Variants in HP observed in about 807,000 individuals in gnomAD.
HP encodes haptoglobin alpha(1S)-beta.
HP carries 9 observed loss-of-function variants against 23.2 expected under a neutral mutation model. The observed-to-expected ratio is 0.39, with a 90% CI of 0.23 to 0.68. The LOEUF is 0.68. HP is among the 30% of genes least tolerant of loss of function. HP has a pLI of 0.47. For missense variants in HP, 433 were observed against 483.6 expected, an observed-to-expected ratio of 0.90 and a Z score of 0.98; for synonymous variants, 155 against 183.3, an observed-to-expected ratio of 0.85 and a Z score of 1.25.
At position 72,056,294 on chromosome 16, in the gene HP, T is replaced by A. The variant is rs2041461774; in HGVS notation, c.88+51T>A. The A allele has an allele frequency of 8.9e-6, 14 of 1,581,784 alleles. 1 individual carries two copies. The South Asian group carries it at 1.3e-4, about 15-fold the overall frequency. On this transcript the variant is annotated intron_variant, in intron 2 of 6. Transcript: ENST00000355906. ...TGCATCCCACTCTGACCCTCTCGGG[T>A]CTGCACTCTCTCTGAGAACACCCAA...
At chr16:72,056,291 G>A (rs376654371) in intron 2 of HP, 48 bp downstream of exon 2, 312 of 1,583,582 alleles carry the variant, frequency 2.0e-4, no homozygotes, top group Non-Finnish European at 2.6e-4. Context: ...TGACCCTCTC[G>A]GGTCTGCACT....
At chr16:72,054,802 T>A in intron 1 of HP, 145 bp downstream of exon 1, 1 of 1,181,400 alleles carries the variant, frequency 8.5e-7, no homozygotes, top group Non-Finnish European at 1.2e-6. Flanking sequence ...GTGTGTTAAA[T>A]CTTCTCCTTT....
intron 4 of HP, 130 bp from the exon 5 acceptor site, chr16:72,058,124 A>T: frequency 8.9e-7 from 1 of 1,119,312 alleles, no homozygotes; most frequent in Non-Finnish European, 1.3e-6. Context: ...TAAAAATAAT[A>T]CAGTTCGCGA....
rs1368591243 is a variant in HP at position 72,057,166 on chromosome 16, C to T, written c.191-226C>T. ...CCTCCCTGTACTGCTTGGCTGTGAC[C>T]GCCATGACCACAGTGTGTTCTGCTG... On this transcript the variant is annotated intron_variant, in intron 3 of 6. Transcript: ENST00000355906. The T allele has an allele frequency of 2.5e-5, 15 of 604,902 alleles. 2 individuals are homozygous for T. Among genetic ancestry groups the T allele is most frequent in the South Asian group, 7.4e-5 (4 of 54,056 alleles). The allele number at this position is 604,902 out of a possible 1,614,324, so 37.5% of individuals were successfully genotyped here.
rs895722295 is a variant in HP, at chr16:72,060,161, T to C, written c.492T>C (p.Gly164=). 4 of 1,613,518 alleles carry C rather than the reference T, an allele frequency of 2.5e-6. No individual in the cohort carries two copies. The highest frequency in any genetic ancestry group is 1.6e-4 in the Middle Eastern group (1 of 6,084). ...CAAACCCAGTGCAGCGGATCCTGGG[T>C]GGACACCTGGATGCCAAAGGCAGCT... ...NPANPVQRIL[G]GHLDAKGSFP... The change falls in exon 7 of 7, where the codon GGT becomes GGC. Residue 164 remains glycine (G), a synonymous_variant. Coordinates refer to ENST00000355906, the MANE Select transcript of HP (RefSeq NM_005143.5).
chr16:72,060,916 C>T lies in HP; in HGVS notation c.*26C>T. The T allele has an allele frequency of 6.5e-7, 1 of 1,541,636 alleles. No homozygotes were observed. Among genetic ancestry groups the T allele is most frequent in the Non-Finnish European group, 8.7e-7 (1 of 1,144,832 alleles). ...TGCAAGGCTGGCCGGAAGCCCTTGCCTGAAAGCAAGATTTCAGCCTGGAAG... is the reference window on the plus strand; with the variant it reads ...TGCAAGGCTGGCCGGAAGCCCTTGCTTGAAAGCAAGATTTCAGCCTGGAAG... On this transcript the variant is annotated 3_prime_UTR_variant, in exon 7 of 7. Coordinates refer to ENST00000355906, the MANE Select transcript of HP (RefSeq NM_005143.5).
In HP at chr16:72,056,583, G is replaced by C; in HGVS notation, c.142G>C (p.Val48Leu). 2 of 1,414,342 alleles carry C rather than the reference G, an allele frequency of 1.4e-6. No homozygotes were observed. The highest frequency in any genetic ancestry group is 1.9e-6 in the Non-Finnish European group (2 of 1,036,960). The allele number at this position is 1,414,342 out of a possible 1,614,324, so 87.6% of individuals were successfully genotyped here. A position where few individuals can be genotyped will look rare whatever the true frequency, so the allele number is the denominator to read the frequency against. ...TGCACATGGCTATGTGGAGCACTCG[G>C]TTCGCTACCAGTGTAAGAACTACTA... is the stretch of plus-strand genomic sequence containing the variant. ...EIAHGYVEHSVRYQCKNYYKL... is the reference protein window; with the variant it reads ...EIAHGYVEHSLRYQCKNYYKL... Residue 48 changes from valine (V) to leucine (L), a missense_variant, in exon 3 of 7, where the codon GTT (valine) becomes CTT (leucine). Val to Leu is a conservative substitution (Grantham distance 32). Around this residue, in one of 3 missense-constraint regions of HP, gnomAD observed 36 missense variants for 71.3 expected, o/e 0.50. Transcript: ENST00000355906.
rs781031192 is a variant in HP at position 72,056,228 on chromosome 16, G to A, written c.73G>A (p.Val25Ile). Reference sequence around the variant, plus strand: ...TTTTGCAGTGGACTCAGGCAATGATGTCACGGATATCGCAGGTCAGTCTTT... The same window carrying A: ...TTTTGCAGTGGACTCAGGCAATGATATCACGGATATCGCAGGTCAGTCTTT... Reference protein sequence around the residue: ...QLFAVDSGNDVTDIADDGCPK... With the variant: ...QLFAVDSGNDITDIADDGCPK... The change falls in exon 2 of 7, where the codon GTC (valine) becomes ATC (isoleucine). Residue 25 changes from valine to isoleucine, a missense_variant. Val to Ile is a conservative substitution (Grantham distance 29). Around this residue, in one of 3 missense-constraint regions of HP, gnomAD observed 71 missense variants for 54.2 expected, o/e 1.31. Coordinates refer to ENST00000355906, the MANE Select transcript of HP (RefSeq NM_005143.5). The A allele has an allele frequency of 3.7e-6, 6 of 1,613,838 alleles. No individual in the cohort carries two copies. The highest frequency in any genetic ancestry group is 4.2e-6 in the Non-Finnish European group (5 of 1,179,906).
At chr16:72,055,833 C>G (rs2041450714) in intron 1 of HP, 1 of 380,826 alleles carries the variant, frequency 2.6e-6, no homozygotes, top group Non-Finnish European at 5.1e-6. Flanking sequence ...ATGTACTTTC[C>G]TGAATGCAGC....
chr16:72,058,761 TG>T, intron 5 of HP: 1 of 324,836 alleles, frequency 3.1e-6, no homozygotes, highest in Non-Finnish European at 5.6e-6. Flanking sequence ...CAGAGTTTAT[TG>T]TTTTCACTTT....
chr16:72,058,052 G>A, intron 4 of HP: 1 of 667,512 alleles, frequency 1.5e-6, no homozygotes, highest in Non-Finnish European at 2.4e-6. Context: ...AATTATTGTA[G>A]CCCCTAGCCC....
chr16:72,059,038 C>A, intron 5 of HP, 76 bp from the exon 6 acceptor site: 2 of 1,403,858 alleles, frequency 1.4e-6, no homozygotes, highest in Admixed American at 1.7e-5. Flanking sequence ...TAGTTCTTCT[C>A]TTTAAATGCC....
intron 1 of HP, chr16:72,055,571 A>T: frequency 5.9e-6 from 1 of 168,264 alleles, no homozygotes; most frequent in South Asian, 1.4e-4. Context: ...GTTCTCTTCC[A>T]GGTAACCTTC....
At position 72,058,255 on chromosome 16, in the gene HP, T is replaced by C. The variant is rs2041486463; in HGVS notation, c.267T>C (p.Asp89=). 3.0e-6 allele frequency: 3 copies of C among 988,812 alleles called. 1 individual carries two copies. Among genetic ancestry groups the C allele is most frequent in the Non-Finnish European group, 4.3e-6 (3 of 699,676 alleles). 61.3% of individuals were successfully genotyped at this position (988,812 alleles called of 1,614,324 possible). ...TCTCTGGCTTCTCTCTCTTTGCAGA[T>C]GACGGCTGCCCGAAGCCCCCCGAGA... The part of the protein sequence containing the change: ...VGDKLPECEA[D]DGCPKPPEIA... Residue 89 remains aspartate (D), a splice_region_variant and synonymous_variant, in exon 5 of 7, where the codon GAT becomes GAC. Transcript: ENST00000355906.
rs368830585 is a variant in HP, at chr16:72,060,837, G to A, written c.1168G>A (p.Val390Met). 41 of 1,612,064 alleles carry A rather than the reference G, an allele frequency of 2.5e-5. No individual in the cohort carries two copies. Among genetic ancestry groups the A allele is most frequent in the Admixed American group, 2.5e-4 (15 of 59,918 alleles). ...TGCTGTGGCTGAGTATGGTGTGTAT[G>A]TGAAGGTGACTTCCATCCAGGACTG... ...SCAVAEYGVYVKVTSIQDWVQ... is the reference protein window; with the variant it reads ...SCAVAEYGVYMKVTSIQDWVQ... Residue 390 changes from valine to methionine, a missense_variant, in exon 7 of 7, where the codon GTG becomes ATG. By Grantham distance (21) the Val-to-Met change is conservative. Transcript: ENST00000355906.
rs768960704 is a variant in HP, at chr16:72,058,341, G to A, written c.353G>A (p.Arg118His). ...RYQCKNYYKLRTEGDGVYTLN... is the reference protein window; with the variant it reads ...RYQCKNYYKLHTEGDGVYTLN... ...CAGTGTAAGAACTACTACAAACTGC[G>A]CACAGAAGGAGATGGTAAGATGTGG... The change falls in exon 5 of 7, where the codon CGC (arginine) becomes CAC (histidine). Residue 118 changes from arginine (R) to histidine (H), a missense_variant. This residue lies in a region of HP where 326 missense variants were observed against 358.1 expected (regional missense o/e 0.91). Coordinates refer to ENST00000355906, the MANE Select transcript of HP (RefSeq NM_005143.5). 2.6e-5 allele frequency: 18 copies of A among 691,668 alleles called. 2 individuals are homozygous for A. In the East Asian group the frequency reaches 4.4e-4, roughly 17 times the overall value. 42.8% of individuals were successfully genotyped at this position (691,668 alleles called of 1,614,324 possible).
intron 5 of HP, chr16:72,058,602 CAG>C: frequency 2.6e-6 from 1 of 385,122 alleles, no homozygotes; most frequent in Non-Finnish European, 4.4e-6. Flanking sequence ...ATGTAAATCT[CAG>C]AGTCACATTT....
intron 4 of HP, 57 bp downstream of exon 4, chr16:72,057,523 C>T (rs1359521718): frequency 3.0e-6 from 2 of 669,410 alleles, no homozygotes; most frequent in African/African-American, 2.1e-5. Context: ...CGGGGAACGT[C>T]CTAGAGGCAC....
intron 4 of HP, chr16:72,057,967 G>T: frequency 2.5e-6 from 1 of 407,532 alleles, no homozygotes; most frequent in Non-Finnish European, 4.4e-6. Flanking sequence ...AACCTGCCTC[G>T]TATTAACTGC....
Sources: allele counts gnomAD v4.1 joint callset, GRCh38; gene constraint gnomAD v4.1.1; regional missense constraint gnomAD v4.1.1; transcripts MANE v1.5; gene names NCBI Gene and HGNC (gene_info 2026-07-23, HGNC 2026-07-21).